Variants in KCNJ6 observed in about 807,000 individuals in gnomAD.
KCNJ6 encodes potassium inwardly rectifying channel subfamily J member 6, also known as G protein-activated inward rectifier potassium channel 2.
In KCNJ6, 9 loss-of-function variants were observed where a neutral mutation model predicts 34.2. That is an observed-to-expected ratio of 0.26 (90% CI 0.16 to 0.46). The LOEUF (loss-of-function observed/expected upper bound fraction) is 0.46. KCNJ6 is among the 20% of genes least tolerant of loss of function. KCNJ6 has a pLI of 1.00. For synonymous variants in KCNJ6, 196 were observed against 207.1 expected, an observed-to-expected ratio of 0.95 and a Z score of 0.46; for missense variants, 236 against 531.3, an observed-to-expected ratio of 0.44 and a Z score of 5.46.
chr21:37,739,161 C>T (rs1809853830), intron 2 of KCNJ6, among the ~76,000 whole-genome samples: 1 of 152,136 alleles, frequency 6.6e-6, no homozygotes, highest in East Asian at 1.9e-4. Flanking sequence ...ATTGTCATAC[C>T]AATTACATGT....
At chr21:37,694,781 G>A (rs2054656892) in intron 3 of KCNJ6, among the ~76,000 whole-genome samples, 1 of 152,160 alleles carries the variant, frequency 6.6e-6, no homozygotes. Flanking sequence ...AAGGTGAAAC[G>A]TCCCACTGTC....
chr21:37,755,879 C>A (rs900439802), intron 2 of KCNJ6, among the ~76,000 whole-genome samples: 4 of 152,238 alleles, frequency 2.6e-5, no homozygotes, highest in African/African-American at 9.6e-5. Flanking sequence ...TTTGGTGGAG[C>A]CACTGACTTC....
At chr21:37,739,077 G>A (rs1375390344) in intron 2 of KCNJ6, among the ~76,000 whole-genome samples, 1 of 152,192 alleles carries the variant, frequency 6.6e-6, no homozygotes, top group African/African-American at 2.4e-5. Flanking sequence ...TCTGAATAGA[G>A]ATGTGCAGTA....
intron 1 of KCNJ6, among the ~76,000 whole-genome samples, chr21:37,845,570 G>C (rs2055502753): frequency 6.6e-6 from 1 of 152,196 alleles, no homozygotes; most frequent in South Asian, 2.1e-4. Flanking sequence ...AGGACTGTTT[G>C]AGGAACAAAT....
rs535974225 is a variant in KCNJ6 at position 37,770,776 on chromosome 21, G to A, written c.26-55645C>T. Among the ~76,000 whole-genome samples the A allele has an allele frequency of 2.0e-5, 3 of 152,194 alleles. No individual in the cohort carries two copies. The South Asian group carries it at 6.2e-4, about 32-fold the overall frequency. On this transcript the variant is annotated intron_variant, in intron 2 of 3. Transcript: ENST00000609713. The stretch of plus-strand genomic sequence containing the variant: ...TAAACCAGTTGCAGAAATGAAGATT[G>A]TAATAGTTATATTTTTTCCTATTTT...
At chr21:37,694,958 C>T (rs545917465) in intron 3 of KCNJ6, among the ~76,000 whole-genome samples, 2 of 152,348 alleles carry the variant, frequency 1.3e-5, no homozygotes, top group East Asian at 3.9e-4. Context: ...CAAGCTACCT[C>T]TATCTGGGAC....
intron 3 of KCNJ6, among the ~76,000 whole-genome samples, chr21:37,700,778 T>C (rs2054686735): frequency 6.6e-6 from 1 of 151,954 alleles, no homozygotes; most frequent in Non-Finnish European, 1.5e-5. Flanking sequence ...ACTCACCACA[T>C]CTTAGGGGTA....
chr21:37,713,603 G>A (rs1431289384), intron 3 of KCNJ6, among the ~76,000 whole-genome samples: 1 of 152,198 alleles, frequency 6.6e-6, no homozygotes, highest in African/African-American at 2.4e-5. Context: ...AGGAGGGCCG[G>A]CGGGATTAAG....
chr21:37,681,582 C>T (rs891064980), intron 3 of KCNJ6, among the ~76,000 whole-genome samples: 7 of 152,136 alleles, frequency 4.6e-5, no homozygotes, highest in African/African-American at 1.2e-4. Context: ...TGGTTTCACT[C>T]GGATCTGTCT....
intron 2 of KCNJ6, among the ~76,000 whole-genome samples, chr21:37,782,856 C>T (rs1160339773): frequency 6.6e-6 from 1 of 152,196 alleles, no homozygotes; most frequent in Non-Finnish European, 1.5e-5. Context: ...ATTAATATTA[C>T]AAGCTCTCCC....
At chr21:37,871,216 G>T (rs947055222) in intron 1 of KCNJ6, among the ~76,000 whole-genome samples, 1 of 152,168 alleles carries the variant, frequency 6.6e-6, no homozygotes, top group African/African-American at 2.4e-5. Flanking sequence ...ATCCTGTACC[G>T]TGGGGGGAGC....
intron 2 of KCNJ6, among the ~76,000 whole-genome samples, chr21:37,778,222 T>C (rs1462088724): frequency 2.0e-5 from 3 of 152,196 alleles, no homozygotes; most frequent in Admixed American, 6.5e-5. Flanking sequence ...CCTCAGTCAG[T>C]TCTTACCATG....
rs200987630 is a variant in KCNJ6 at position 37,863,152 on chromosome 21, AT to A, written c.-27-22444del. ...TTTAACATTTTGCTTATTTTGTGTT[AT>A]TTGATTCATTAATATTTTAGGCACA... On this transcript the variant is annotated intron_variant, in intron 1 of 3. Transcript: ENST00000609713. 4.5e-3 allele frequency among the ~76,000 whole-genome samples: 690 copies of A among 152,256 alleles called. 7 individuals carry two copies. Among genetic ancestry groups the A allele is most frequent in the African/African-American group, 0.015 (622 of 41,494 alleles).
At chr21:37,664,792 C>CTTT (rs10594512) in intron 3 of KCNJ6, among the ~76,000 whole-genome samples, 5 of 101,014 alleles carry the variant, frequency 4.9e-5, no homozygotes, top group Admixed American at 2.2e-4. Context: ...AAGAATATTC[C>CTTT]TTTTTTTTTT....
At chr21:37,878,335 C>T (rs1243278871) in intron 1 of KCNJ6, among the ~76,000 whole-genome samples, 1 of 152,004 alleles carries the variant, frequency 6.6e-6, no homozygotes, top group African/African-American at 2.4e-5. Context: ...TCAATATCCT[C>T]ATATTCAACC....
intron 1 of KCNJ6, among the ~76,000 whole-genome samples, chr21:37,853,835 C>CATATATATGTGTAT (rs1399366665): frequency 2.3e-5 from 1 of 43,238 alleles, no homozygotes; most frequent in African/African-American, 1.8e-4. Flanking sequence ...TTAAGAGATA[C>CATATATATGTGTAT]ATATATATAT....
chr21:37,801,545 T>C (rs2055269314), intron 2 of KCNJ6, among the ~76,000 whole-genome samples: 1 of 152,178 alleles, frequency 6.6e-6, no homozygotes, highest in African/African-American at 2.4e-5. Flanking sequence ...ACCACCCTCC[T>C]TGGGTCTCTA....
At chr21:37,659,290 A>C (rs1315373732) in intron 3 of KCNJ6, among the ~76,000 whole-genome samples, 1 of 152,240 alleles carries the variant, frequency 6.6e-6, no homozygotes, top group Non-Finnish European at 1.5e-5. Context: ...CTGAGCACCA[A>C]ATAAGTCATG....
intron 2 of KCNJ6, among the ~76,000 whole-genome samples, chr21:37,778,552 T>C (rs2055153562): frequency 6.6e-6 from 1 of 152,184 alleles, no homozygotes; most frequent in South Asian, 2.1e-4. Flanking sequence ...TGTTCATGAG[T>C]TCTTACTTTT....
Sources: gnomAD v4.1 joint callset for allele counts (sites outside exome capture counted in the v4.1 genomes callset) on GRCh38, gnomAD v4.1.1 for gene constraint, MANE v1.5 for transcripts, NCBI Gene and HGNC (gene_info 2026-07-23, HGNC 2026-07-21) for gene names.